CORO2B: variants seen among roughly 807,000 people sequenced by gnomAD.
CORO2B encodes coronin-2B.
CORO2B carries 26 observed loss-of-function variants against 58.8 expected under a neutral mutation model. The observed-to-expected ratio is 0.44, with a 90% CI of 0.32 to 0.61. CORO2B has a LOEUF of 0.61. Ranked by LOEUF, CORO2B falls within the 20% of genes least tolerant of loss-of-function variation. CORO2B has a pLI of 0.04. For missense variants in CORO2B, 460 were observed against 645.1 expected (o/e 0.71, Z 3.11); for synonymous variants, 242 against 253.8 (o/e 0.95, Z 0.44).
At chr15:68,593,661 G>GTTT (rs71455598) in intron 1 of CORO2B, among the ~76,000 whole-genome samples, 1 of 144,256 alleles carries the variant, frequency 6.9e-6, no homozygotes, top group East Asian at 2.0e-4. Context: ...CTCTGGGTTT[G>GTTT]TTTTTTTTTT....
chr15:68,531,217 A>G, the CORO2B span, among the ~76,000 whole-genome samples: 1 of 152,208 alleles, frequency 6.6e-6, no homozygotes, highest in East Asian at 1.9e-4. Flanking sequence ...GTGCTGGCTC[A>G]CGCCTATAAT....
chr15:68,654,902 A>G (rs1901755528), intron 2 of CORO2B, among the ~76,000 whole-genome samples: 1 of 152,196 alleles, frequency 6.6e-6, no homozygotes, highest in Non-Finnish European at 1.5e-5. Flanking sequence ...GTCCCTGAGT[A>G]TGCCTAGCAG....
intron 2 of CORO2B, among the ~76,000 whole-genome samples, chr15:68,664,450 A>G (rs1375767326): frequency 6.6e-6 from 1 of 152,182 alleles, no homozygotes; most frequent in Non-Finnish European, 1.5e-5. Context: ...GATCGAGCCC[A>G]TCCTGGCTAA....
chr15:68,583,594 G>A (rs1409395953), intron 1 of CORO2B, among the ~76,000 whole-genome samples: 1 of 152,182 alleles, frequency 6.6e-6, no homozygotes, highest in Non-Finnish European at 1.5e-5. Context: ...TTGCGGGAGT[G>A]GGAGGAGGGA....
At chr15:68,683,576 C>G (rs1241137926) in intron 2 of CORO2B, among the ~76,000 whole-genome samples, 4 of 152,196 alleles carry the variant, frequency 2.6e-5, no homozygotes, top group African/African-American at 9.7e-5. Flanking sequence ...CCCCTCCCCC[C>G]ACTGTAGGAT....
chr15:68,520,487 G>A, the CORO2B span, among the ~76,000 whole-genome samples: 5 of 152,128 alleles, frequency 3.3e-5, no homozygotes, highest in Non-Finnish European at 5.9e-5. Context: ...TCTTCCTGAT[G>A]GACTAGCACT....
At chr15:68,642,269 C>A (rs77957214) in intron 1 of CORO2B, among the ~76,000 whole-genome samples, 14 of 152,042 alleles carry the variant, frequency 9.2e-5, no homozygotes, top group Middle Eastern at 3.2e-3. Flanking sequence ...AGTCACACAG[C>A]AGGGTTGGGA....
At chr15:68,670,075 GA>G (rs142723177) in intron 2 of CORO2B, among the ~76,000 whole-genome samples, 14,722 of 151,200 alleles carry the variant, frequency 0.097, 1,193 homozygotes, top group African/African-American at 0.22. Flanking sequence ...AAAAGGGGGG[GA>G]AAAATAAAGA....
Position 68,638,218 on chromosome 15 carries a change from G to T in CORO2B, c.16-6942G>T, listed in dbSNP as rs891924060. ...CCTGACCCTCAGCCCAGCCCAGCCCGCCCTGTCCTCCTCCTCCTGGCAAAG... is the reference window on the plus strand; with the variant it reads ...CCTGACCCTCAGCCCAGCCCAGCCCTCCCTGTCCTCCTCCTCCTGGCAAAG... On this transcript the variant is annotated intron_variant, in intron 1 of 11. Coordinates refer to ENST00000261861, the MANE Select transcript of CORO2B (RefSeq NM_006091.5). Among the ~76,000 whole-genome samples, 3 of 128,338 alleles carry T rather than the reference G, an allele frequency of 2.3e-5. No homozygotes were observed. In the East Asian group the frequency reaches 7.1e-4, roughly 30 times the overall value. 84.2% of individuals were successfully genotyped at this position (128,338 alleles called of 152,430 possible).
At chr15:68,592,404 T>C (rs1899729557) in intron 1 of CORO2B, among the ~76,000 whole-genome samples, 2 of 152,078 alleles carry the variant, frequency 1.3e-5, no homozygotes, top group African/African-American at 4.8e-5. Context: ...CTATATCCAG[T>C]TTTTAGTGGT....
intron 2 of CORO2B, among the ~76,000 whole-genome samples, chr15:68,676,609 G>A (rs1902594438): frequency 6.6e-6 from 1 of 152,244 alleles, no homozygotes; most frequent in Admixed American, 6.5e-5. Context: ...TCAAGCTGGA[G>A]TGCAGGTCTC....
chr15:68,631,287 G>A (rs889015687), intron 1 of CORO2B, among the ~76,000 whole-genome samples: 5 of 152,192 alleles, frequency 3.3e-5, no homozygotes, highest in Admixed American at 1.3e-4. Context: ...CCAAGAGGGT[G>A]GAGACTGTCC....
At position 68,727,707 on chromosome 15, in the gene CORO2B, C is replaced by CA. The variant is rs1893338212; in HGVS notation, c.*1733_*1734insA. On this transcript the variant is annotated 3_prime_UTR_variant, in exon 12 of 12. Transcript: ENST00000261861. ...ATCTCCTCCTCCCACATTTCTGGAG[C>CA]TTTTTTTTTTCCTTCCCCATTGACC... 1 of 150,048 alleles carries CA rather than the reference C, an allele frequency of 6.7e-6. No homozygotes were observed. Among genetic ancestry groups the CA allele is most frequent in the Non-Finnish European group, 1.5e-5 (1 of 67,236 alleles). 9.3% of individuals were successfully genotyped at this position (150,048 alleles called of 1,614,324 possible).
chr15:68,533,447 G>A, the CORO2B span, among the ~76,000 whole-genome samples: 2 of 152,088 alleles, frequency 1.3e-5, no homozygotes, highest in Admixed American at 1.3e-4. Context: ...TTGTTAGCTG[G>A]ACACATAAAC....
At chr15:68,695,618 T>A (rs1204991750) in intron 3 of CORO2B, among the ~76,000 whole-genome samples, 2 of 152,140 alleles carry the variant, frequency 1.3e-5, no homozygotes, top group African/African-American at 4.8e-5. Context: ...AGGAACTGGA[T>A]GGGCATGAGG....
chr15:68,616,453 C>G (rs1210715772), intron 1 of CORO2B: 27 of 679,870 alleles, frequency 4.0e-5, no homozygotes, highest in Admixed American at 6.3e-5. Context: ...GGTCACCCAG[C>G]CCCCACCAAG....
chr15:68,544,124 G>A, the CORO2B span, among the ~76,000 whole-genome samples: 1 of 152,200 alleles, frequency 6.6e-6, no homozygotes, highest in Non-Finnish European at 1.5e-5. Flanking sequence ...ACCATGCAGT[G>A]CAGTGATCAG....
chr15:68,625,938 T>C (rs1378094379), intron 1 of CORO2B, among the ~76,000 whole-genome samples: 2 of 152,128 alleles, frequency 1.3e-5, no homozygotes, highest in African/African-American at 4.8e-5. Flanking sequence ...ATCCGTGGTG[T>C]TGTGGGTATC....
chr15:68,610,989 C>G lies in CORO2B; in HGVS notation c.15+31712C>G, dbSNP rs187493550. Among the ~76,000 whole-genome samples the G allele has an allele frequency of 1.3e-3, 203 of 152,304 alleles. 1 individual carries two copies. Among genetic ancestry groups the G allele is most frequent in the African/African-American group, 4.7e-3 (195 of 41,574 alleles). On this transcript the variant is annotated intron_variant, in intron 1 of 11. Coordinates refer to ENST00000261861, the MANE Select transcript of CORO2B (RefSeq NM_006091.5). ...AATGAAAGAAGTACTCTGTACAAAG[C>G]TTTGTTTGTGTTAGCAAAACAATTG...
Sources: gnomAD v4.1 joint callset for allele counts (sites outside exome capture counted in the v4.1 genomes callset) on GRCh38, gnomAD v4.1.1 for gene constraint, MANE v1.5 for transcripts, NCBI Gene and HGNC (gene_info 2026-07-23, HGNC 2026-07-21) for gene names.